Variants in DNAH9 observed in about 807,000 individuals in gnomAD.
The protein encoded by DNAH9 is DNAH9 variant protein.
A neutral mutation model predicts 471.6 loss-of-function variants in DNAH9; 345 were observed. The observed-to-expected ratio is 0.73, with a 90% CI of 0.67 to 0.80. The LOEUF is 0.80. Among genes scored for constraint, DNAH9 ranks in the 30% least tolerant of loss-of-function variants. DNAH9 has a pLI of 0.00. For synonymous variants in DNAH9, 2,093 were observed against 2,123.6 expected, an observed-to-expected ratio of 0.99 and a Z score of 0.40; for missense variants, 5,407 against 5,609.2, an observed-to-expected ratio of 0.96 and a Z score of 1.15.
At chr17:11,860,654 C>T (rs1416792566) in intron 50 of DNAH9, among the ~76,000 whole-genome samples, 4 of 152,020 alleles carry the variant, frequency 2.6e-5, no homozygotes, top group African/African-American at 7.2e-5. Context: ...CTCTGCCTCC[C>T]GGGTTCAAGC....
At chr17:11,819,806 C>G (rs973882758) in intron 45 of DNAH9, among the ~76,000 whole-genome samples, 1 of 152,162 alleles carries the variant, frequency 6.6e-6, no homozygotes, top group Non-Finnish European at 1.5e-5. Flanking sequence ...GAAATTGACA[C>G]AATTTGGACA....
intron 38 of DNAH9, among the ~76,000 whole-genome samples, chr17:11,774,387 C>G (rs1968338771): frequency 6.6e-6 from 1 of 152,132 alleles, no homozygotes; most frequent in African/African-American, 2.4e-5. Flanking sequence ...TAAAGACATT[C>G]CCGAGACTGG....
intron 67 of DNAH9, among the ~76,000 whole-genome samples, chr17:11,947,779 T>C (rs1285140121): frequency 2.2e-5 from 3 of 139,342 alleles, no homozygotes; most frequent in Non-Finnish European, 1.6e-5. Flanking sequence ...ACTATTTTTT[T>C]TTTTTTTTTT....
chr17:11,816,765 G>A (rs1970114705), intron 45 of DNAH9, among the ~76,000 whole-genome samples: 1 of 152,194 alleles, frequency 6.6e-6, no homozygotes, highest in South Asian at 2.1e-4. Flanking sequence ...GCAGAAGATG[G>A]TGAATAGTCT....
At chr17:11,678,035 GTTTA>G (rs1288176738) in intron 17 of DNAH9, among the ~76,000 whole-genome samples, 2 of 151,390 alleles carry the variant, frequency 1.3e-5, no homozygotes, top group African/African-American at 4.8e-5. Context: ...TACACCAAAT[GTTTA>G]TTTATTATTT....
chr17:11,654,753 A>T (rs191798648), intron 14 of DNAH9, among the ~76,000 whole-genome samples: 1 of 151,996 alleles, frequency 6.6e-6, no homozygotes, highest in South Asian at 2.1e-4. Flanking sequence ...AGCATTGTCC[A>T]TTTCATGTAA....
chr17:11,617,928 A>AT (rs2072779266), intron 5 of DNAH9, among the ~76,000 whole-genome samples: 1 of 152,216 alleles, frequency 6.6e-6, no homozygotes, highest in African/African-American at 2.4e-5. Context: ...AGTCAGCAGC[A>AT]AAGCCTAAGC....
rs75224861 is a variant in DNAH9 at position 11,842,223 on chromosome 17, T to C, written c.9507+7325T>C. On this transcript the variant is annotated intron_variant, in intron 49 of 68. Coordinates refer to ENST00000262442, the MANE Select transcript of DNAH9 (RefSeq NM_001372.4). ...TAAAACCTCAGATTGATCTAACTTATTAATAGTGGTGTAAGATATCAACGT... is the reference window on the plus strand; with the variant it reads ...TAAAACCTCAGATTGATCTAACTTACTAATAGTGGTGTAAGATATCAACGT... 1.2e-4 allele frequency among the ~76,000 whole-genome samples: 18 copies of C among 152,278 alleles called. No individual in the cohort carries two copies. The East Asian group carries it at 3.5e-3, about 29-fold the overall frequency.
chr17:11,633,464 G>T (rs1332521916), intron 8 of DNAH9, among the ~76,000 whole-genome samples: 1 of 152,174 alleles, frequency 6.6e-6, no homozygotes, highest in Non-Finnish European at 1.5e-5. Flanking sequence ...TGTGATGGGT[G>T]GGACAATTGT....
intron 10 of DNAH9, among the ~76,000 whole-genome samples, chr17:11,641,408 A>G (rs2073269359): frequency 6.6e-6 from 1 of 152,146 alleles, no homozygotes; most frequent in Admixed American, 6.5e-5. Flanking sequence ...CTAACAAAGC[A>G]TGCCTGTGAG....
At chr17:11,894,316 A>G in intron 58 of DNAH9, 58 bp from the exon 59 acceptor site, 2 of 1,597,730 alleles carry the variant, frequency 1.3e-6, no homozygotes, top group East Asian at 4.5e-5. Flanking sequence ...AACCCCTAAG[A>G]TTTCTAGGAC....
At chr17:11,964,456 C>CA (rs1275352939) in intron 68 of DNAH9, among the ~76,000 whole-genome samples, 1 of 152,152 alleles carries the variant, frequency 6.6e-6, no homozygotes, top group African/African-American at 2.4e-5. Context: ...AAAACTTCCC[C>CA]AAAATCAATA....
At chr17:11,969,236 G>A (rs1977000431) in intron 68 of DNAH9, 64 bp from the exon 69 acceptor site, 13 of 1,450,688 alleles carry the variant, frequency 9.0e-6, no homozygotes, top group Middle Eastern at 2.1e-4. Context: ...GCTGACAAGA[G>A]CAAGGCTGGT....
intron 27 of DNAH9, among the ~76,000 whole-genome samples, chr17:11,725,305 T>C (rs1392194111): frequency 6.6e-6 from 1 of 152,184 alleles, no homozygotes; most frequent in Admixed American, 6.5e-5. Flanking sequence ...ATCTGAAGTC[T>C]CCATGTCACC....
At chr17:11,787,115 G>A (rs1159882478) in intron 41 of DNAH9, among the ~76,000 whole-genome samples, 5 of 152,180 alleles carry the variant, frequency 3.3e-5, no homozygotes, top group Non-Finnish European at 7.3e-5. Context: ...TCACGAATCC[G>A]AATTGGGTAG....
chr17:11,647,210 G>C lies in DNAH9; in HGVS notation c.2097+12G>C, dbSNP rs764418214. The C allele has an allele frequency of 6.2e-7, 1 of 1,613,014 alleles. No individual in the cohort carries two copies. The highest frequency in any genetic ancestry group is 1.7e-5 in the Admixed American group (1 of 59,934). Reference sequence around the variant, plus strand: ...ACTTTAACCCACAGGTCAGTTGGCTGACAGTAGCTCTCTTTTGGGTTCCTG... The same window carrying C: ...ACTTTAACCCACAGGTCAGTTGGCTCACAGTAGCTCTCTTTTGGGTTCCTG... On this transcript the variant is annotated intron_variant, in intron 12 of 68. Coordinates refer to ENST00000262442, the MANE Select transcript of DNAH9 (RefSeq NM_001372.4).
rs190770705 is a variant in DNAH9 at position 11,664,817 on chromosome 17, C to T, written c.2596-16C>T. On this transcript the variant is annotated splice_polypyrimidine_tract_variant and intron_variant, in intron 14 of 68. Coordinates refer to ENST00000262442, the MANE Select transcript of DNAH9 (RefSeq NM_001372.4). ...CTATTAAACGAGGTTTATATCCTTT[C>T]TTCTTCCTTTTATAGGAAAACCTGG... 1,127 of 1,608,564 alleles carry T rather than the reference C, an allele frequency of 7.0e-4. 6 individuals carry two copies. The highest frequency in any genetic ancestry group is 5.6e-4 in the South Asian group (51 of 90,702).
chr17:11,873,636 C>T (rs1335450498), intron 52 of DNAH9, among the ~76,000 whole-genome samples: 5 of 152,100 alleles, frequency 3.3e-5, no homozygotes, highest in African/African-American at 1.2e-4. Context: ...GTGAAAGTAA[C>T]CAGACACAAA....
intron 27 of DNAH9, among the ~76,000 whole-genome samples, chr17:11,724,555 A>G (rs1472209200): frequency 6.6e-6 from 1 of 152,226 alleles, no homozygotes; most frequent in Admixed American, 6.5e-5. Context: ...TGTATATACT[A>G]CATTTTCTTT....
Sources: gnomAD v4.1 joint callset for allele counts (sites outside exome capture counted in the v4.1 genomes callset) on GRCh38, gnomAD v4.1.1 for gene constraint, MANE v1.5 for transcripts, NCBI Gene and HGNC (gene_info 2026-07-23, HGNC 2026-07-21) for gene names.